CEP72: variants seen among roughly 807,000 people sequenced by gnomAD.
CEP72 encodes centrosomal protein 72, also known as centrosomal protein of 72 kDa.
Under a neutral mutation model 65.7 loss-of-function variants are expected in CEP72, and 78 were observed. That is an observed-to-expected ratio of 1.19 (90% CI 0.99 to 1.43). CEP72 has a LOEUF of 1.43. Among genes scored for constraint, CEP72 ranks in the 40% most tolerant of loss-of-function variants. The pLI is 0.00. For synonymous variants in CEP72, 358 were observed against 351.7 expected (o/e 1.02, Z -0.20); for missense variants, 914 against 832.9 (o/e 1.10, Z -1.20).
chr5:659,316 G>A (rs1199088012), downstream of CEP72, among the ~76,000 whole-genome samples: 2 of 152,208 alleles, frequency 1.3e-5, no homozygotes, highest in Non-Finnish European at 2.9e-5. Flanking sequence ...TGTTAATTTG[G>A]AGTTATTGAC....
Position 623,367 on chromosome 5 carries a change from C to T in CEP72, c.404-1104C>T, listed in dbSNP as rs1015764724. 1.3e-5 allele frequency among the ~76,000 whole-genome samples: 2 copies of T among 152,190 alleles called. No homozygotes were observed. The highest frequency in any genetic ancestry group is 2.9e-5 in the Non-Finnish European group (2 of 68,038). On this transcript the variant is annotated intron_variant, in intron 3 of 11. Coordinates refer to ENST00000264935, the MANE Select transcript of CEP72 (RefSeq NM_018140.4). The surrounding 1 kb of genome is among the most constrained non-coding windows in gnomAD (Gnocchi z 5.3). ...CTGGAGTGGGCTCGGTCCTTGGCTCCGCGTGGGTCATGGAAAGGCCCCGGT... is the reference window on the plus strand; with the variant it reads ...CTGGAGTGGGCTCGGTCCTTGGCTCTGCGTGGGTCATGGAAAGGCCCCGGT...
rs1194090166 is a variant in CEP72 at position 651,169 on chromosome 5, C to T, written c.1779-1819C>T. Among the ~76,000 whole-genome samples the T allele has an allele frequency of 6.8e-5, 4 of 58,606 alleles. 1 individual carries two copies. Among genetic ancestry groups the T allele is most frequent in the African/African-American group, 2.1e-4 (2 of 9,536 alleles). The allele number at this position is 58,606 out of a possible 152,430, so 38.4% of individuals were successfully genotyped here. On this transcript the variant is annotated intron_variant, in intron 11 of 11. Coordinates refer to ENST00000264935, the MANE Select transcript of CEP72 (RefSeq NM_018140.4). The stretch of plus-strand genomic sequence containing the variant: ...CTGAGGCGTGGACTGTGAGGTGTGA[C>T]TGTGAGGTGTTACTGTGAGGCGTGG...
intron 2 of CEP72, chr5:664,677 T>A (rs979383110): frequency 1.7e-5 from 3 of 181,454 alleles, no homozygotes; most frequent in African/African-American, 7.1e-5. Context: ...AATTCCGTGT[T>A]AGTTGCCTGC....
intron 3 of CEP72, among the ~76,000 whole-genome samples, chr5:621,727 A>G (rs1697993): frequency 0.63 from 96,049 of 152,166 alleles, 30,502 homozygotes; most frequent in Non-Finnish European, 0.66. Flanking sequence ...GGCCTGCGGT[A>G]TCTTGATGGT....
At chr5:640,690 T>C (rs1737955101) in intron 9 of CEP72, 86 bp downstream of exon 9, 1 of 1,480,092 alleles carries the variant, frequency 6.8e-7, no homozygotes, top group Non-Finnish European at 8.9e-7. Flanking sequence ...AGCTCCTTGA[T>C]GCCACACTGT....
chr5:643,327 G>T (rs966788624), intron 9 of CEP72: 18 of 985,320 alleles, frequency 1.8e-5, no homozygotes, highest in Non-Finnish European at 1.8e-5. Context: ...CCAAAGCCCC[G>T]CGCGGAGGGC....
intron 1 of CEP72, 87 bp from the exon 2 acceptor site, chr5:618,903 A>T: frequency 1.9e-6 from 2 of 1,034,240 alleles, no homozygotes; most frequent in Non-Finnish European, 2.9e-6. Context: ...GTCAGTTTCT[A>T]CTCCATATCC....
At chr5:614,844 T>G (rs997787164) in intron 1 of CEP72, among the ~76,000 whole-genome samples, 2 of 152,244 alleles carry the variant, frequency 1.3e-5, no homozygotes, top group African/African-American at 2.4e-5. Context: ...CCAGGTGCAC[T>G]TGAGTGTGTG....
intron 11 of CEP72, among the ~76,000 whole-genome samples, 154 bp from the exon 12 acceptor site, chr5:652,834 G>A (rs760781119): frequency 2.0e-5 from 3 of 152,238 alleles, no homozygotes; most frequent in Non-Finnish European, 4.4e-5. Context: ...TAGCCAGTGG[G>A]ACACAGAAGG....
chr5:642,596 T>A (rs1041568861), intron 9 of CEP72: 1 of 985,382 alleles, frequency 1.0e-6, no homozygotes, highest in African/African-American at 1.7e-5. Context: ...CATGCAGCTG[T>A]GGCTGCCGTG....
At chr5:635,222 CTG>C in intron 5 of CEP72, 148 bp from the exon 6 acceptor site, 1 of 632,344 alleles carries the variant, frequency 1.6e-6, no homozygotes, top group Non-Finnish European at 2.8e-6. Context: ...TTAGAAGTCA[CTG>C]TGGATTCATT....
chr5:637,237 C>T (rs1737669909), intron 6 of CEP72, among the ~76,000 whole-genome samples: 1 of 152,220 alleles, frequency 6.6e-6, no homozygotes, highest in Admixed American at 6.5e-5. Flanking sequence ...CTGGGCGGTC[C>T]GTGTCTGCTT....
At chr5:655,739 C>T (rs1002662136), downstream of CEP72, among the ~76,000 whole-genome samples, 19 of 152,300 alleles carry the variant, frequency 1.2e-4, no homozygotes, top group African/African-American at 4.6e-4. This position sits in a 1 kb window ranked among gnomAD's most constrained non-coding sequence, Gnocchi z 5.0. Context: ...TTGGGATTTC[C>T]TGTTTGTAAA....
intron 4 of CEP72, among the ~76,000 whole-genome samples, chr5:628,485 CGTCCCT>C (rs1736916020): frequency 3.2e-5 from 2 of 61,960 alleles, no homozygotes; most frequent in Admixed American, 1.7e-4. Flanking sequence ...CTCAGGTTGC[CGTCCCT>C]GGGGAGTGTT....
Position 653,538 on chromosome 5 carries a change from T to TA in CEP72, c.*386dup, listed in dbSNP as rs3840991. ...AAGCAATCTTTATTTAATAAACAAA[T>TA]ACATTGTTCTGAAAAGTTAACTTTT... On this transcript the variant is annotated 3_prime_UTR_variant, in exon 12 of 12. Coordinates refer to ENST00000264935, the MANE Select transcript of CEP72 (RefSeq NM_018140.4). The TA allele has an allele frequency of 0.25, 39,303 of 156,616 alleles. 5,088 individuals carry two copies. Among genetic ancestry groups the TA allele is most frequent in the East Asian group, 0.42 (2,300 of 5,484 alleles). 9.7% of individuals were successfully genotyped at this position (156,616 alleles called of 1,614,324 possible).
At chr5:635,165 T>C (rs2126780775) in intron 5 of CEP72, among the ~76,000 whole-genome samples, 1 of 152,332 alleles carries the variant, frequency 6.6e-6, no homozygotes, top group Admixed American at 6.5e-5. Flanking sequence ...TTGTCCTGAG[T>C]CTCGCAGGCG....
At chr5:671,079 C>T (rs908788401), downstream of CEP72, among the ~76,000 whole-genome samples, 1 of 152,216 alleles carries the variant, frequency 6.6e-6, no homozygotes, top group Non-Finnish European at 1.5e-5. Context: ...CATGAAGCCC[C>T]CACACAGCCG....
intron 11 of CEP72, among the ~76,000 whole-genome samples, chr5:649,479 A>C (rs1738764826): frequency 1.6e-5 from 1 of 62,578 alleles, no homozygotes; most frequent in Non-Finnish European, 2.9e-5. Context: ...GTGAGGTGTG[A>C]CTGTGAGGTG....
chr5:638,477 C>G (rs1192559633), intron 7 of CEP72, among the ~76,000 whole-genome samples: 1 of 151,670 alleles, frequency 6.6e-6, no homozygotes, highest in Non-Finnish European at 1.5e-5. Context: ...GACTCCCATG[C>G]AGGCAGAGGA....
Sources: gnomAD v4.1 joint callset for allele counts (sites outside exome capture counted in the v4.1 genomes callset) on GRCh38, gnomAD v4.1.1 for gene constraint, Gnocchi (gnomAD v3.1) non-coding constraint, MANE v1.5 for transcripts, NCBI Gene and HGNC (gene_info 2026-07-23, HGNC 2026-07-21) for gene names.